The following MIB1 variants were observed in gnomAD, a reference collection of about 807,000 sequenced individuals.
MIB1 encodes MIB E3 ubiquitin protein ligase 1.
Under a neutral mutation model 124.5 loss-of-function variants are expected in MIB1, and 278 were observed. That is an observed-to-expected ratio of 2.23 (90% CI 2.02 to 2.47). The LOEUF (loss-of-function observed/expected upper bound fraction) is 2.47, where lower values mean the gene tolerates loss of function less well. Ranked by LOEUF, MIB1 falls within the 30% of genes most tolerant of loss-of-function variation. MIB1 has a pLI of 0.00. For missense variants in MIB1, 957 were observed against 1,254.4 expected (o/e 0.76, Z 3.58); for synonymous variants, 446 against 429.4 (o/e 1.04, Z -0.48).
intron 1 of MIB1, among the ~76,000 whole-genome samples, chr18:21,758,908 C>G (rs957264594): frequency 6.6e-6 from 1 of 152,120 alleles, no homozygotes; most frequent in African/African-American, 2.4e-5. Context: ...AGGCACCATA[C>G]TAGTCTAGAA....
chr18:21,718,869 A>G (rs182630452), intron 1 of MIB1, among the ~76,000 whole-genome samples: 1 of 152,216 alleles, frequency 6.6e-6, no homozygotes, highest in African/African-American at 2.4e-5. Context: ...TAGTCAACAT[A>G]GTGAGACCCT....
chr18:21,782,314 G>A (rs1347554558), intron 6 of MIB1, among the ~76,000 whole-genome samples: 1 of 151,978 alleles, frequency 6.6e-6, no homozygotes, highest in Non-Finnish European at 1.5e-5. Context: ...GTAGAGATGG[G>A]GTTTCTCCAT....
In MIB1 at chr18:21,798,083, G is replaced by A. The variant is rs764003825; in HGVS notation, c.1093-1G>A. 3 of 1,611,350 alleles carry A rather than the reference G, an allele frequency of 1.9e-6. No individual in the cohort carries two copies. The highest frequency in any genetic ancestry group is 8.5e-7 in the Non-Finnish European group (1 of 1,178,532). On this transcript the variant is annotated splice_acceptor_variant, in intron 7 of 20. Transcript: ENST00000261537. LOFTEE classifies it high-confidence loss of function. ...AACATGAATCTATTTTTTTCCCCAA[G>A]ACTTTAGGTAAAGTTGGCCGAGTAC...
At chr18:21,823,720 A>AT (rs1391124576) in intron 12 of MIB1, among the ~76,000 whole-genome samples, 1 of 152,190 alleles carries the variant, frequency 6.6e-6, no homozygotes, top group Non-Finnish European at 1.5e-5. Flanking sequence ...AGTTTGGAGC[A>AT]TTTTAAGTAG....
chr18:21,733,173 C>G (rs752003965), intron 1 of MIB1, among the ~76,000 whole-genome samples: 27 of 152,120 alleles, frequency 1.8e-4, no homozygotes, highest in Non-Finnish European at 3.5e-4. Context: ...TTAAAATTTC[C>G]TTTGAAAGCT....
chr18:21,715,110 C>T (rs1028859498), intron 1 of MIB1, among the ~76,000 whole-genome samples: 24 of 152,156 alleles, frequency 1.6e-4, no homozygotes, highest in Admixed American at 1.4e-3. Flanking sequence ...TGGATTGCTC[C>T]TGTAGGACCC....
intron 1 of MIB1, among the ~76,000 whole-genome samples, chr18:21,762,283 A>G (rs761334852): frequency 6.6e-6 from 1 of 152,232 alleles, no homozygotes; most frequent in Non-Finnish European, 1.5e-5. Context: ...AGGCACATTC[A>G]AAGATACTTG....
intron 13 of MIB1, among the ~76,000 whole-genome samples, chr18:21,840,778 C>G (rs914462471): frequency 4.6e-5 from 7 of 150,952 alleles, no homozygotes; most frequent in African/African-American, 1.7e-4. Flanking sequence ...CTTCAGAGAG[C>G]CATGATGGCG....
intron 1 of MIB1, among the ~76,000 whole-genome samples, chr18:21,733,269 A>G (rs2040780649): frequency 6.6e-6 from 1 of 152,186 alleles, no homozygotes; most frequent in African/African-American, 2.4e-5. Context: ...TTTCAGTGGA[A>G]TTATGTAAGC....
chr18:21,785,405 T>C (rs1249604182), intron 6 of MIB1, among the ~76,000 whole-genome samples: 2 of 152,206 alleles, frequency 1.3e-5, no homozygotes, highest in African/African-American at 2.4e-5. Flanking sequence ...ACAGGCCCAG[T>C]AGGGCTGGAC....
At position 21,867,500 on chromosome 18, in the gene MIB1, G is replaced by T. The variant is rs2042328989; in HGVS notation, c.*2834G>T. On this transcript the variant is annotated 3_prime_UTR_variant, in exon 21 of 21. Coordinates refer to ENST00000261537, the MANE Select transcript of MIB1 (RefSeq NM_020774.4). ...ATTTAATTTTGTTGGGAGCAAGAAGGTTTTCAAGAAAAGATAATTTTGTAT... is the reference window on the plus strand; with the variant it reads ...ATTTAATTTTGTTGGGAGCAAGAAGTTTTTCAAGAAAAGATAATTTTGTAT... 2 of 152,532 alleles carry T rather than the reference G, an allele frequency of 1.3e-5. No homozygotes were observed. The highest frequency in any genetic ancestry group is 2.9e-5 in the Non-Finnish European group (2 of 67,982). 9.4% of individuals were successfully genotyped at this position (152,532 alleles called of 1,614,324 possible).
intron 6 of MIB1, among the ~76,000 whole-genome samples, chr18:21,782,553 ATTTC>A (rs1339678220): frequency 6.6e-6 from 1 of 151,944 alleles, no homozygotes; most frequent in Non-Finnish European, 1.5e-5. Flanking sequence ...TTCCTTCTTA[ATTTC>A]TTTATTGACG....
chr18:21,715,142 G>A (rs143611143), intron 1 of MIB1, among the ~76,000 whole-genome samples: 30 of 152,312 alleles, frequency 2.0e-4, no homozygotes, highest in Non-Finnish European at 3.8e-4. Flanking sequence ...CAAATACTGT[G>A]CTGGTATCCA....
chr18:21,732,323 A>C lies in MIB1; in HGVS notation n.167+27200A>C, dbSNP rs926017962. On this transcript the variant is annotated intron_variant and non_coding_transcript_variant, in intron 1 of 20. Coordinates refer to the MIB1 transcript ENST00000578646. ...AGCCTGGGCAACAGCGTAAGCCTCC[A>C]TCTAAAAAAATATATATATTATATG... is the stretch of plus-strand genomic sequence containing the variant. Among the ~76,000 whole-genome samples the C allele has an allele frequency of 2.0e-5, 3 of 149,218 alleles. No individual in the cohort carries two copies. The Admixed American group carries it at 2.0e-4, about 10-fold the overall frequency.
intron 8 of MIB1, 87 bp from the exon 9 acceptor site, chr18:21,799,754 A>G (rs1449922840): frequency 7.9e-7 from 1 of 1,259,860 alleles, no homozygotes; most frequent in African/African-American, 1.5e-5. Flanking sequence ...ATAGGAAAAG[A>G]TTATAGAAAT....
chr18:21,795,216 T>A lies in MIB1; in HGVS notation c.1093-2868T>A, dbSNP rs1301908181. Among the ~76,000 whole-genome samples, 3 of 147,918 alleles carry A rather than the reference T, an allele frequency of 2.0e-5. No homozygotes were observed. The East Asian group carries it at 5.8e-4, about 29-fold the overall frequency. On this transcript the variant is annotated intron_variant, in intron 7 of 20. Coordinates refer to ENST00000261537, the MANE Select transcript of MIB1 (RefSeq NM_020774.4). The stretch of plus-strand genomic sequence containing the variant: ...AATATTAGGAAAGAGTAAGGACACA[T>A]GAATGACTAATTTCAGTATTGCACA...
chr18:21,775,022 T>C (rs2041266821), intron 4 of MIB1, among the ~76,000 whole-genome samples: 1 of 151,980 alleles, frequency 6.6e-6, no homozygotes, highest in African/African-American at 2.4e-5. Context: ...CTTGGCTCAC[T>C]GCTAGCTCCA....
chr18:21,779,348 G>T, intron 5 of MIB1, 133 bp from the exon 6 acceptor site: 3 of 685,774 alleles, frequency 4.4e-6, no homozygotes, highest in African/African-American at 1.8e-5. Flanking sequence ...TATACTTATA[G>T]GGAATTCTCA....
chr18:21,801,301 A>G (rs1381333393), intron 9 of MIB1, among the ~76,000 whole-genome samples: 1 of 152,060 alleles, frequency 6.6e-6, no homozygotes, highest in Non-Finnish European at 1.5e-5. Flanking sequence ...CACCACTTCC[A>G]TCCCATGCCC....
Sources: gnomAD v4.1 joint callset for allele counts (sites outside exome capture counted in the v4.1 genomes callset) on GRCh38, gnomAD v4.1.1 for gene constraint, MANE v1.5 for transcripts, NCBI Gene and HGNC (gene_info 2026-07-23, HGNC 2026-07-21) for gene names.